BPIFB4: variants seen among roughly 807,000 people sequenced by gnomAD.
BPIFB4 encodes the protein BPI fold-containing family B member 4.
Under a neutral mutation model 69.2 loss-of-function variants are expected in BPIFB4, and 62 were observed. The observed-to-expected ratio is 0.90, with a 90% confidence interval of 0.73 to 1.11. The LOEUF is 1.11. Ranked by LOEUF, BPIFB4 falls within the 50% of genes least tolerant of loss-of-function variation. BPIFB4 has a pLI of 0.00. For missense variants in BPIFB4, 789 were observed against 792.0 expected (o/e 1.00, Z 0.04); for synonymous variants, 330 against 332.7 (o/e 0.99, Z 0.09).
At chr20:33,090,613 G>T in intron 9 of BPIFB4, 95 bp from the exon 10 acceptor site, 3 of 1,562,648 alleles carry the variant, frequency 1.9e-6, no homozygotes, top group Non-Finnish European at 2.6e-6. Flanking sequence ...GCTGGAGCCT[G>T]GGCCTACCTT....
chr20:33,098,542 C>T (rs1334810738), intron 13 of BPIFB4, among the ~76,000 whole-genome samples: 7 of 151,986 alleles, frequency 4.6e-5, no homozygotes, highest in African/African-American at 1.2e-4. Context: ...GCCAGGATTT[C>T]GAGACCAGCC....
At chr20:33,111,298 G>A (rs1399383180) in intron 17 of BPIFB4, 116 bp from the exon 18 acceptor site, 14 of 1,387,466 alleles carry the variant, frequency 1.0e-5, no homozygotes, top group South Asian at 1.2e-5. Flanking sequence ...TATCTCCGCT[G>A]TTCAGAGTTA....
chr20:33,104,962 T>C, intron 16 of BPIFB4, 89 bp downstream of exon 16: 1 of 1,321,948 alleles, frequency 7.6e-7, no homozygotes, highest in Non-Finnish European at 1.1e-6. Flanking sequence ...TGTGCATCTA[T>C]CCTACCTCAA....
At chr20:33,087,884 G>A (rs886797716) in intron 7 of BPIFB4, among the ~76,000 whole-genome samples, 7 of 152,150 alleles carry the variant, frequency 4.6e-5, no homozygotes, top group African/African-American at 1.7e-4. Flanking sequence ...AGCTTTGGGA[G>A]AAATGTTCTA....
rs749669746 is a variant in BPIFB4 at position 33,083,009 on chromosome 20, C to G, written c.169+9C>G. The G allele has an allele frequency of 3.4e-6, 5 of 1,450,340 alleles. No homozygotes were observed. The highest frequency in any genetic ancestry group is 4.6e-6 in the Non-Finnish European group (5 of 1,078,364). 89.8% of individuals were successfully genotyped at this position (1,450,340 alleles called of 1,614,324 possible). A position where few individuals can be genotyped will look rare whatever the true frequency, so the allele number is the denominator to read the frequency against. ...GAGAGAGGTGCCCTTGGGTAAAGCC[C>G]GTGGTGATGGTGGTGGGCCTCTCCT... On this transcript the variant is annotated intron_variant, in intron 4 of 17. Coordinates refer to ENST00000375483, the MANE Select transcript of BPIFB4 (RefSeq NM_182519.3).
intron 16 of BPIFB4, 67 bp downstream of exon 16, chr20:33,104,940 G>A: frequency 6.7e-7 from 1 of 1,497,836 alleles, no homozygotes; most frequent in South Asian, 1.1e-5. Flanking sequence ...CTGGCTTGTT[G>A]GGCATGCTGG....
rs770820100 is a variant in BPIFB4 at position 33,090,736 on chromosome 20, T to C, written c.1080T>C (p.Ser360=). ...DSLIPLGILG[S]VQYTFSSLPL... ...TGATTCCTCTGGGGATATTGGGAAGTGTCCAGTACACCTTCTCCAGCCTCC... is the reference window on the plus strand; with the variant it reads ...TGATTCCTCTGGGGATATTGGGAAGCGTCCAGTACACCTTCTCCAGCCTCC... The change falls in exon 10 of 18, where the codon AGT becomes AGC. Residue 360 remains serine, a synonymous_variant. Coordinates refer to ENST00000375483, the MANE Select transcript of BPIFB4 (RefSeq NM_182519.3). The C allele has an allele frequency of 1.9e-6, 3 of 1,614,198 alleles. No individual in the cohort carries two copies. The highest frequency in any genetic ancestry group is 2.5e-6 in the Non-Finnish European group (3 of 1,180,032).
chr20:33,088,568 A>G (rs1022235686), intron 7 of BPIFB4, among the ~76,000 whole-genome samples: 3 of 152,140 alleles, frequency 2.0e-5, no homozygotes, highest in Non-Finnish European at 2.9e-5. Flanking sequence ...CTTGAGTCAG[A>G]TGCTTAGATA....
At position 33,086,038 on chromosome 20, in the gene BPIFB4, A is replaced by T; in HGVS notation, c.800A>T (p.Asp267Val). ...TCCTCCAGTCTTATTGGCTTCCTGG[A>T]CATCGCAGTAGAAGTGAACATCACA... ...INGKSLIGFL[D>V]IAVEVNITAK... The change falls in exon 7 of 18, where the codon GAC becomes GTC. Residue 267 changes from aspartate to valine, a missense_variant. Asp to Val is a radical substitution (Grantham distance 152, BLOSUM62 -3). Coordinates refer to ENST00000375483, the MANE Select transcript of BPIFB4 (RefSeq NM_182519.3). The T allele has an allele frequency of 1.2e-6, 2 of 1,610,276 alleles. No homozygotes were observed. The highest frequency in any genetic ancestry group is 1.7e-6 in the Non-Finnish European group (2 of 1,176,876).
intron 17 of BPIFB4, among the ~76,000 whole-genome samples, chr20:33,110,305 T>A (rs1194881508): frequency 6.6e-6 from 1 of 152,142 alleles, no homozygotes; most frequent in Non-Finnish European, 1.5e-5. Flanking sequence ...GATGGACACT[T>A]TTTTCACAAT....
At position 33,090,693 on chromosome 20, in the gene BPIFB4, C is replaced by G. The variant is rs752249736; in HGVS notation, c.1052-15C>G. 5.0e-6 allele frequency: 8 copies of G among 1,613,554 alleles called. No homozygotes were observed. The Admixed American group carries it at 6.7e-5, about 13-fold the overall frequency. On this transcript the variant is annotated splice_polypyrimidine_tract_variant and intron_variant, in intron 9 of 17. Coordinates refer to ENST00000375483, the MANE Select transcript of BPIFB4 (RefSeq NM_182519.3). ...GGTGAGGGGACCTCCCTGTGACCCT[C>G]TCCTTTGCCTGCAGCTCTGATTCCT...
intron 3 of BPIFB4, 93 bp from the exon 4 acceptor site, chr20:33,082,845 C>T: frequency 2.4e-6 from 3 of 1,268,938 alleles, no homozygotes; most frequent in Non-Finnish European, 3.4e-6. Context: ...AAAGTGAGGC[C>T]CAGGGAGCTG....
chr20:33,085,867 T>C (rs1162037543), intron 6 of BPIFB4, among the ~76,000 whole-genome samples, 154 bp from the exon 7 acceptor site: 3 of 152,164 alleles, frequency 2.0e-5, no homozygotes, highest in Non-Finnish European at 4.4e-5. Flanking sequence ...CACGTGTGAC[T>C]TGAGGGACCA....
chr20:33,083,498 G>A lies in BPIFB4; in HGVS notation c.301G>A (p.Gly101Ser), dbSNP rs749270243. 1.2e-6 allele frequency: 2 copies of A among 1,613,928 alleles called. No individual in the cohort carries two copies. The highest frequency in any genetic ancestry group is 3.3e-5 in the Admixed American group (2 of 60,006). ...ETNDNTAQLGGKYRYGEILES... is the reference protein window; with the variant it reads ...ETNDNTAQLGSKYRYGEILES... ...CAACGACAACACTGCTCAGCTGGGG[G>A]GCAAATACCGATATGGTGAGATCCT... Residue 101 changes from glycine to serine, a missense_variant, in exon 5 of 18, where the codon GGC (glycine) becomes AGC (serine). Transcript: ENST00000375483.
rs1353677652 is a variant in BPIFB4, at chr20:33,111,444, G to A, written c.*7G>A. On this transcript the variant is annotated 3_prime_UTR_variant, in exon 18 of 18. Coordinates refer to ENST00000375483, the MANE Select transcript of BPIFB4 (RefSeq NM_182519.3). ...TTTGGTGCTGAGCGCATGAGTGACA[G>A]AGGCAGAGATGCTGCTGCAACTGGA... The A allele has an allele frequency of 6.2e-7, 1 of 1,614,054 alleles. No individual in the cohort carries two copies. Among genetic ancestry groups the A allele is most frequent in the Non-Finnish European group, 8.5e-7 (1 of 1,179,950 alleles).
rs1243172252 is a variant in BPIFB4, at chr20:33,083,582, G to T, written c.385G>T (p.Ala129Ser). 1.9e-6 allele frequency: 3 copies of T among 1,614,074 alleles called. No individual in the cohort carries two copies. The highest frequency in any genetic ancestry group is 1.7e-6 in the Non-Finnish European group (2 of 1,179,976). Residue 129 changes from alanine (A) to serine (S), a missense_variant, in exon 5 of 18, where the codon GCA becomes TCA. This residue lies in a region of BPIFB4 where 611 missense variants were observed against 575.4 expected (regional missense o/e 1.06). Coordinates refer to ENST00000375483, the MANE Select transcript of BPIFB4 (RefSeq NM_182519.3). ...RNSGYRSAEN[A>S]YGGHRGLGRY... is the part of the protein sequence containing the mutation. ...CAGTGGCTATCGCAGTGCCGAGAAT[G>T]CATATGGAGGCCACAGGGGCCTCGG...
intron 17 of BPIFB4, 113 bp downstream of exon 17, chr20:33,107,933 G>A (rs1424714775): frequency 1.1e-6 from 1 of 919,400 alleles, no homozygotes; most frequent in Non-Finnish European, 1.7e-6. Flanking sequence ...GAGGGAAGGG[G>A]AGGAAACAGG....
intron 14 of BPIFB4, 50 bp from the exon 15 acceptor site, chr20:33,102,922 T>C (rs1325465443): frequency 1.9e-6 from 3 of 1,583,902 alleles, no homozygotes; most frequent in African/African-American, 1.3e-5. Flanking sequence ...AAGAGCCTTA[T>C]GATTTTCAGG....
intron 7 of BPIFB4, 97 bp downstream of exon 7, chr20:33,086,261 G>A (rs1054506130): frequency 6.8e-7 from 1 of 1,464,144 alleles, no homozygotes; most frequent in Non-Finnish European, 9.4e-7. Flanking sequence ...TAGGCTCTGG[G>A]GTGGGCAGGA....
Sources: gnomAD v4.1 joint callset for allele counts (sites outside exome capture counted in the v4.1 genomes callset) on GRCh38, gnomAD v4.1.1 for gene constraint, gnomAD v4.1.1 regional missense constraint, MANE v1.5 for transcripts, NCBI Gene and HGNC (gene_info 2026-07-23, HGNC 2026-07-21) for gene names.